DNER: variants seen among roughly 807,000 people sequenced by gnomAD.
DNER encodes delta/notch like EGF repeat containing.
A neutral mutation model predicts 78.2 loss-of-function variants in DNER; 33 were observed. The observed-to-expected ratio is 0.42, with a 90% CI of 0.32 to 0.56. DNER has a LOEUF of 0.56. DNER is among the 20% of genes least tolerant of loss of function. The pLI is 0.11. For missense variants in DNER, 918 were observed against 975.3 expected (o/e 0.94, Z 0.78); for synonymous variants, 417 against 384.8 (o/e 1.08, Z -0.98).
At chr2:229,621,078 T>C (rs1476994905) in intron 1 of DNER, among the ~76,000 whole-genome samples, 1 of 152,252 alleles carries the variant, frequency 6.6e-6, no homozygotes, top group Non-Finnish European at 1.5e-5. Context: ...AAGAAGTTTC[T>C]GCGTGTTTCC....
At chr2:229,413,815 T>TA (rs1415834150) in intron 9 of DNER, among the ~76,000 whole-genome samples, 1 of 151,304 alleles carries the variant, frequency 6.6e-6, no homozygotes, top group African/African-American at 2.4e-5. Flanking sequence ...TATTAAGCAG[T>TA]AAAAATTACC....
chr2:229,400,519 A>C (rs541364628), intron 10 of DNER, among the ~76,000 whole-genome samples: 8 of 152,232 alleles, frequency 5.3e-5, no homozygotes, highest in African/African-American at 1.9e-4. Flanking sequence ...GCCAGAACGT[A>C]TATATGTTTT....
At chr2:229,556,709 T>C (rs549018444) in intron 4 of DNER, among the ~76,000 whole-genome samples, 24 of 152,346 alleles carry the variant, frequency 1.6e-4, no homozygotes, top group African/African-American at 4.8e-4. Flanking sequence ...GGTTTCTGTA[T>C]TAGCTTTATT....
intron 9 of DNER, among the ~76,000 whole-genome samples, chr2:229,413,193 AGTTTTGGT>A (rs1693561310): frequency 6.6e-6 from 1 of 151,828 alleles, no homozygotes; most frequent in African/African-American, 2.4e-5. Flanking sequence ...GCCATTCTTC[AGTTTTGGT>A]TATCTGTCCA....
At chr2:229,376,539 G>GTATTAT (rs1692605431) in intron 11 of DNER, among the ~76,000 whole-genome samples, 1 of 152,148 alleles carries the variant, frequency 6.6e-6, no homozygotes, top group South Asian at 2.1e-4. Flanking sequence ...CCCCTCAAAT[G>GTATTAT]TATTATCTAT....
chr2:229,447,684 G>A, intron 7 of DNER, 144 bp from the exon 8 acceptor site: 1 of 943,772 alleles, frequency 1.1e-6, no homozygotes, highest in Admixed American at 2.8e-5. Flanking sequence ...AAGATAGGTA[G>A]GTTGTTTTTC....
intron 4 of DNER, among the ~76,000 whole-genome samples, chr2:229,581,974 C>T (rs1456693232): frequency 6.6e-6 from 1 of 152,100 alleles, no homozygotes. Context: ...AAGCAGGAGA[C>T]AGTCAATTCC....
intron 1 of DNER, among the ~76,000 whole-genome samples, chr2:229,706,861 C>G (rs1007253623): frequency 6.6e-6 from 1 of 152,212 alleles, no homozygotes; most frequent in Non-Finnish European, 1.5e-5. Flanking sequence ...CAGGTGTAAG[C>G]CGCCACACCC....
chr2:229,546,904 C>A, intron 5 of DNER, 43 bp downstream of exon 5: 1 of 1,611,726 alleles, frequency 6.2e-7, no homozygotes, highest in South Asian at 1.1e-5. Context: ...GGTAAATATT[C>A]ATGTAAATAT....
chr2:229,617,521 C>G (rs576709596), intron 1 of DNER, among the ~76,000 whole-genome samples: 247 of 151,840 alleles, frequency 1.6e-3, no homozygotes, highest in African/African-American at 5.6e-3. Context: ...TTGGTTGTAT[C>G]CTTTTCTATT....
chr2:229,562,321 G>A (rs1016326774), intron 4 of DNER, among the ~76,000 whole-genome samples: 51 of 152,072 alleles, frequency 3.4e-4, no homozygotes, highest in African/African-American at 1.1e-3. Flanking sequence ...CTCTTCCTTT[G>A]TAGTGACAAA....
At chr2:229,409,488 C>T (rs1693459338) in intron 9 of DNER, among the ~76,000 whole-genome samples, 1 of 152,272 alleles carries the variant, frequency 6.6e-6, no homozygotes, top group African/African-American at 2.4e-5. Flanking sequence ...ATTTTAAAAA[C>T]CAGACTGAAA....
At chr2:229,576,153 A>C in intron 4 of DNER, among the ~76,000 whole-genome samples, 1 of 152,178 alleles carries the variant, frequency 6.6e-6, no homozygotes, top group East Asian at 1.9e-4. Context: ...GACCATGAAA[A>C]GGTGAAATAT....
chr2:229,616,005 GT>G (rs1442817876), intron 1 of DNER, among the ~76,000 whole-genome samples: 1 of 152,194 alleles, frequency 6.6e-6, no homozygotes, highest in Non-Finnish European at 1.5e-5. Context: ...TGGAAAACAA[GT>G]TTCACAAACA....
chr2:229,592,607 C>T (rs1697628159), intron 1 of DNER, among the ~76,000 whole-genome samples: 2 of 152,236 alleles, frequency 1.3e-5, no homozygotes, highest in Admixed American at 1.3e-4. Flanking sequence ...CAATTATGCT[C>T]ATGGTCTGGG....
intron 4 of DNER, among the ~76,000 whole-genome samples, chr2:229,580,636 A>C (rs1697375453): frequency 6.6e-6 from 1 of 152,156 alleles, no homozygotes; most frequent in Non-Finnish European, 1.5e-5. Context: ...AATAACTTCA[A>C]AGAAGAGAGA....
rs970265690 is a variant in DNER, at chr2:229,664,635, A to G, written c.276+49513T>C. On this transcript the variant is annotated intron_variant, in intron 1 of 12. Coordinates refer to ENST00000341772, the MANE Select transcript of DNER (RefSeq NM_139072.4). ...AGATCAGGTAGTTATGCTCATCCCC[A>G]TTCCCTGGATAAGTAAACTGAAGCA... 6.6e-5 allele frequency among the ~76,000 whole-genome samples: 10 copies of G among 152,316 alleles called. No individual in the cohort carries two copies. The East Asian group carries it at 1.9e-3, about 29-fold the overall frequency.
chr2:229,652,014 A>T (rs1290399820), intron 1 of DNER, among the ~76,000 whole-genome samples: 1 of 152,226 alleles, frequency 6.6e-6, no homozygotes, highest in Non-Finnish European at 1.5e-5. Context: ...GGCATTTGAC[A>T]TCCTAGCTAT....
At chr2:229,369,627 G>A (rs1692436026) in intron 11 of DNER, among the ~76,000 whole-genome samples, 1 of 152,162 alleles carries the variant, frequency 6.6e-6, no homozygotes, top group Non-Finnish European at 1.5e-5. Flanking sequence ...CATGCTCTGA[G>A]CTGAGGATTA....
Sources: gnomAD v4.1 joint callset for allele counts (sites outside exome capture counted in the v4.1 genomes callset) on GRCh38, gnomAD v4.1.1 for gene constraint, MANE v1.5 for transcripts, NCBI Gene and HGNC (gene_info 2026-07-23, HGNC 2026-07-21) for gene names.